Variants in CCSER2 observed in about 807,000 individuals in gnomAD.
CCSER2 encodes the protein serine-rich coiled-coil domain-containing protein 2.
CCSER2 carries 46 observed loss-of-function variants against 92.3 expected under a neutral mutation model. The ratio of observed to expected loss-of-function variants is 0.50; its 90% confidence interval spans 0.39 to 0.64. The LOEUF (loss-of-function observed/expected upper bound fraction) is 0.64. Among genes scored for constraint, CCSER2 ranks in the 30% least tolerant of loss-of-function variants. The probability of loss-of-function intolerance (pLI) is 0.00; values close to 1 mark genes in which losing one functional copy is unlikely to be tolerated. For missense variants in CCSER2, 1,244 were observed against 1,238.9 expected (o/e 1.00, Z -0.06); for synonymous variants, 433 against 431.4 (o/e 1.00, Z -0.04).
At chr10:84,437,803 C>T (rs1455733537) in intron 5 of CCSER2, among the ~76,000 whole-genome samples, 2 of 148,828 alleles carry the variant, frequency 1.3e-5, no homozygotes, top group African/African-American at 4.9e-5. Flanking sequence ...ACCTCCGCCT[C>T]CCAGGTTCAG....
chr10:84,427,656 A>G lies in CCSER2; in HGVS notation c.1868+1763A>G, dbSNP rs532553022. 2.0e-5 allele frequency among the ~76,000 whole-genome samples: 3 copies of G among 152,256 alleles called. No homozygotes were observed. In the South Asian group the frequency reaches 6.2e-4, roughly 32 times the overall value. On this transcript the variant is annotated intron_variant, in intron 5 of 9. Coordinates refer to ENST00000372088, the MANE Select transcript of CCSER2 (RefSeq NM_001284240.2). ...TACATCCACTCATGTTCTCATCGTA[A>G]TACTGCTCTGTCTTTTTACCTGGCC...
At chr10:84,502,206 T>C (rs945989835) in intron 9 of CCSER2, among the ~76,000 whole-genome samples, 1 of 151,936 alleles carries the variant, frequency 6.6e-6, no homozygotes, top group East Asian at 1.9e-4. Flanking sequence ...AACAGATCTC[T>C]TCTTTTCCTA....
intron 1 of CCSER2, among the ~76,000 whole-genome samples, chr10:84,367,430 G>T (rs989488323): frequency 9.3e-5 from 14 of 150,750 alleles, no homozygotes; most frequent in African/African-American, 3.4e-4. Flanking sequence ...AGGCTGGAGC[G>T]CAGTGGCTTG....
chr10:84,364,961 C>T (rs751616315), intron 1 of CCSER2, among the ~76,000 whole-genome samples: 4 of 151,892 alleles, frequency 2.6e-5, no homozygotes, highest in Non-Finnish European at 4.4e-5. Flanking sequence ...AGGCTGGTCT[C>T]GAACTCCTGA....
intron 1 of CCSER2, among the ~76,000 whole-genome samples, chr10:84,330,294 G>A (rs1205554020): frequency 6.6e-6 from 1 of 152,140 alleles, no homozygotes; most frequent in African/African-American, 2.4e-5. Context: ...GCAGTTCTCT[G>A]AAGATGACAT....
In CCSER2 at chr10:84,488,492, T is replaced by C. The variant is rs575562025; in HGVS notation, c.2325+10828T>C. ...GGGAGGGTATATGTGTCGAGGAATT[T>C]ATCCATTTCTTTTAGATTTTCTAGT... is the stretch of plus-strand genomic sequence containing the variant. On this transcript the variant is annotated intron_variant, in intron 9 of 9. Coordinates refer to ENST00000372088, the MANE Select transcript of CCSER2 (RefSeq NM_001284240.2). Among the ~76,000 whole-genome samples, 42 of 152,328 alleles carry C rather than the reference T, an allele frequency of 2.8e-4. No homozygotes were observed. In the South Asian group the frequency reaches 8.5e-3, roughly 31 times the overall value.
intron 6 of CCSER2, among the ~76,000 whole-genome samples, chr10:84,457,729 TTTTG>T (rs1254784624): frequency 9.3e-5 from 8 of 85,712 alleles, no homozygotes; most frequent in South Asian, 3.7e-4. Context: ...ATATATAAAA[TTTTG>T]TTTGTTTGTT....
chr10:84,329,798 G>C (rs187162380), intron 1 of CCSER2, among the ~76,000 whole-genome samples: 1 of 152,188 alleles, frequency 6.6e-6, no homozygotes, highest in African/African-American at 2.4e-5. Context: ...AAATATTCCT[G>C]AGTGTTTGCC....
chr10:84,393,415 A>C (rs1564624975), intron 3 of CCSER2, among the ~76,000 whole-genome samples: 1 of 152,204 alleles, frequency 6.6e-6, no homozygotes, highest in Non-Finnish European at 1.5e-5. Flanking sequence ...TTGAAAAATG[A>C]TTGCTGTATT....
chr10:84,433,434 T>TACACACACACACACACACACACATACAC (rs139177738), intron 5 of CCSER2, among the ~76,000 whole-genome samples: 1 of 150,526 alleles, frequency 6.6e-6, no homozygotes, highest in Non-Finnish European at 1.5e-5. Context: ...CCCACACACA[T>TACACACACACACACACACACACATACAC]ACACACACAC....
chr10:84,429,776 T>A (rs1056179084), intron 5 of CCSER2, among the ~76,000 whole-genome samples: 5 of 151,978 alleles, frequency 3.3e-5, no homozygotes, highest in African/African-American at 1.2e-4. Flanking sequence ...ACATGTTTGG[T>A]CATTAGTTAC....
chr10:84,368,333 TAGTTTAAATA>T, intron 1 of CCSER2, among the ~76,000 whole-genome samples: 1 of 152,296 alleles, frequency 6.6e-6, no homozygotes, highest in Non-Finnish European at 1.5e-5. Context: ...TATAAGTTCT[TAGTTTAAATA>T]GTTTTTTGTA....
intron 6 of CCSER2, chr10:84,456,022 C>T: frequency 2.0e-6 from 1 of 505,098 alleles, no homozygotes; most frequent in Admixed American, 2.5e-5. Context: ...ACCTTTGCTT[C>T]TTCTAGATGT....
chr10:84,357,192 A>G (rs1391810094), intron 1 of CCSER2, among the ~76,000 whole-genome samples: 9 of 152,006 alleles, frequency 5.9e-5, no homozygotes, highest in African/African-American at 2.2e-4. Context: ...ACGGTTTGAT[A>G]CCATGAAGAA....
At chr10:84,501,135 ACTC>A (rs1848696709) in intron 9 of CCSER2, among the ~76,000 whole-genome samples, 3 of 151,858 alleles carry the variant, frequency 2.0e-5, no homozygotes, top group South Asian at 2.1e-4. Flanking sequence ...CACCTTGGTA[ACTC>A]CTCCTTCTCC....
intron 3 of CCSER2, among the ~76,000 whole-genome samples, chr10:84,414,425 A>G (rs1842796134): frequency 6.6e-6 from 1 of 152,212 alleles, no homozygotes; most frequent in African/African-American, 2.4e-5. Flanking sequence ...TTGGCTGGAT[A>G]TGAAATTCTG....
intron 5 of CCSER2, among the ~76,000 whole-genome samples, chr10:84,435,100 C>A (rs1844025864): frequency 6.6e-6 from 1 of 152,086 alleles, no homozygotes; most frequent in Non-Finnish European, 1.5e-5. Flanking sequence ...AATTTTGAAT[C>A]TCATGGTGGA....
At chr10:84,415,223 C>T (rs956679568) in intron 3 of CCSER2, among the ~76,000 whole-genome samples, 2 of 152,196 alleles carry the variant, frequency 1.3e-5, no homozygotes, top group Non-Finnish European at 2.9e-5. Flanking sequence ...GGAGATGAGG[C>T]ACTCTGGCCT....
intron 6 of CCSER2, among the ~76,000 whole-genome samples, chr10:84,446,060 CT>C (rs1222244067): frequency 2.6e-5 from 4 of 152,138 alleles, no homozygotes; most frequent in Non-Finnish European, 5.9e-5. Context: ...CCTACCCACT[CT>C]TTCCCTTTCT....
Sources: gnomAD v4.1 joint callset for allele counts (sites outside exome capture counted in the v4.1 genomes callset) on GRCh38, gnomAD v4.1.1 for gene constraint, MANE v1.5 for transcripts, NCBI Gene and HGNC (gene_info 2026-07-23, HGNC 2026-07-21) for gene names.